Variants in SMYD3 observed in about 807,000 individuals in gnomAD.
SMYD3 encodes the protein histone-lysine N-methyltransferase SMYD3.
Under a neutral mutation model 57.7 loss-of-function variants are expected in SMYD3, and 36 were observed. The ratio of observed to expected loss-of-function variants is 0.62; its 90% confidence interval spans 0.48 to 0.82. SMYD3 has a LOEUF of 0.82. SMYD3 is among the 40% of genes least tolerant of loss of function. The pLI, the probability that SMYD3 is intolerant of heterozygous loss-of-function variation, is 0.00. For synonymous variants in SMYD3, 211 were observed against 195.0 expected, an observed-to-expected ratio of 1.08 and a Z score of -0.68; for missense variants, 515 against 538.8, an observed-to-expected ratio of 0.96 and a Z score of 0.44.
chr1:246,016,941 A>AT lies in SMYD3; in HGVS notation c.532-87005dup, dbSNP rs146974641. Among the ~76,000 whole-genome samples, 262 of 149,992 alleles carry AT rather than the reference A, an allele frequency of 1.7e-3. 7 individuals carry two copies. The South Asian group carries it at 0.026, about 15-fold the overall frequency. ...AAGGGGCTTCCAATCTTTTTCTATG[A>AT]TTTTTTTTTTGTACCTAGTTAAAAA... is the stretch of plus-strand genomic sequence containing the variant. On this transcript the variant is annotated intron_variant, in intron 5 of 11. Transcript: ENST00000490107.
At chr1:246,506,978 G>GCCCCCCCCCCCCCCCCCCCCCCCCCCCCC in intron 1 of SMYD3, 76 bp downstream of exon 1, 18 of 1,174,496 alleles carry the variant, frequency 1.5e-5, no homozygotes, top group East Asian at 7.0e-5. Flanking sequence ...CGCGGCTGCC[G>GCCCCCCCCCCCCCCCCCCCCCCCCCCCCC]GCCGCCCGAC....
intron 3 of SMYD3, among the ~76,000 whole-genome samples, chr1:246,332,909 T>A (rs564822296): frequency 6.6e-6 from 1 of 152,230 alleles, no homozygotes; most frequent in Non-Finnish European, 1.5e-5. Context: ...ACTAAAATAA[T>A]TGAATTTGGC....
intron 5 of SMYD3, among the ~76,000 whole-genome samples, chr1:245,944,744 T>C (rs917185718): frequency 1.3e-5 from 2 of 152,124 alleles, no homozygotes; most frequent in East Asian, 3.8e-4. Context: ...AAAACTACAC[T>C]ACAAGGCTAC....
chr1:245,813,255 C>T (rs915597274), intron 10 of SMYD3, among the ~76,000 whole-genome samples: 2 of 152,024 alleles, frequency 1.3e-5, no homozygotes, highest in African/African-American at 4.8e-5. Context: ...CTTTGGGATC[C>T]ACCTGCCTGG....
intron 10 of SMYD3, among the ~76,000 whole-genome samples, chr1:245,815,928 T>G (rs2048779483): frequency 6.6e-6 from 1 of 152,128 alleles, no homozygotes; most frequent in African/African-American, 2.4e-5. Flanking sequence ...TCATCAAAGC[T>G]CCACTCCAAG....
At chr1:246,506,978 G>GCCCCCCCCCCCCCCCCCCCCC in intron 1 of SMYD3, 76 bp downstream of exon 1, 10 of 1,174,502 alleles carry the variant, frequency 8.5e-6, no homozygotes, top group East Asian at 3.5e-5. Context: ...CGCGGCTGCC[G>GCCCCCCCCCCCCCCCCCCCCC]GCCGCCCGAC....
chr1:246,005,490 CCT>C (rs1056462132), intron 5 of SMYD3, among the ~76,000 whole-genome samples: 1 of 152,164 alleles, frequency 6.6e-6, no homozygotes, highest in Admixed American at 6.5e-5. Context: ...CGGATAGTCA[CCT>C]GTCTCTATAA....
chr1:245,841,928 T>C (rs765376976), intron 10 of SMYD3, among the ~76,000 whole-genome samples: 7 of 152,238 alleles, frequency 4.6e-5, no homozygotes, highest in Non-Finnish European at 8.8e-5. Flanking sequence ...AGCTGCCCTA[T>C]GCACCTATAT....
intron 5 of SMYD3, among the ~76,000 whole-genome samples, chr1:246,273,065 T>C (rs999760397): frequency 2.7e-5 from 4 of 145,508 alleles, no homozygotes; most frequent in African/African-American, 2.8e-5. Context: ...TTTGTTGTCA[T>C]ACAACTCTTC....
chr1:246,383,742 A>C (rs900493383), intron 1 of SMYD3, among the ~76,000 whole-genome samples: 4 of 152,198 alleles, frequency 2.6e-5, no homozygotes, highest in Non-Finnish European at 5.9e-5. Context: ...TGGGTTGATC[A>C]CTTGAGGTCA....
intron 5 of SMYD3, among the ~76,000 whole-genome samples, chr1:246,106,696 G>A (rs962678831): frequency 6.6e-6 from 1 of 152,148 alleles, no homozygotes; most frequent in Non-Finnish European, 1.5e-5. Context: ...AACTGCCACA[G>A]CTTCCAACTG....
At chr1:246,289,526 T>C (rs2064643509) in intron 5 of SMYD3, among the ~76,000 whole-genome samples, 1 of 152,202 alleles carries the variant, frequency 6.6e-6, no homozygotes, top group Non-Finnish European at 1.5e-5. Flanking sequence ...TGGCATTTCG[T>C]TTTGTATTTC....
intron 5 of SMYD3, among the ~76,000 whole-genome samples, chr1:246,004,995 A>C (rs2059144401): frequency 6.6e-6 from 1 of 152,088 alleles, no homozygotes; most frequent in South Asian, 2.1e-4. Flanking sequence ...ACAGGCGTGC[A>C]CCACCATGCC....
chr1:245,750,236 A>T (rs1486829923), intron 11 of SMYD3, among the ~76,000 whole-genome samples: 1 of 152,202 alleles, frequency 6.6e-6, no homozygotes, highest in African/African-American at 2.4e-5. Flanking sequence ...CTTCAATAAT[A>T]GAGTATAATA....
intron 5 of SMYD3, among the ~76,000 whole-genome samples, chr1:246,087,070 T>C (rs944096062): frequency 6.6e-6 from 1 of 152,232 alleles, no homozygotes; most frequent in African/African-American, 2.4e-5. Flanking sequence ...TTCATTTTTA[T>C]GGCTGCATAG....
At position 245,764,732 on chromosome 1, in the gene SMYD3, G is replaced by A. The variant is rs184546904; in HGVS notation, c.1077-583C>T. Among the ~76,000 whole-genome samples the A allele has an allele frequency of 2.6e-5, 4 of 152,050 alleles. No homozygotes were observed. In the East Asian group the frequency reaches 7.7e-4, roughly 29 times the overall value. ...ACTGGATTATAGTGCTTTTTATTCA[G>A]GCACCCCATCTGCGTTCTCCATGAT... On this transcript the variant is annotated intron_variant, in intron 10 of 11. Coordinates refer to ENST00000490107, the MANE Select transcript of SMYD3 (RefSeq NM_001167740.2).
chr1:245,849,117 T>C (rs1039944612), intron 10 of SMYD3, among the ~76,000 whole-genome samples: 6 of 152,080 alleles, frequency 3.9e-5, no homozygotes, highest in African/African-American at 1.4e-4. Context: ...TCCCTCCAGG[T>C]TGGACAAAAA....
intron 5 of SMYD3, among the ~76,000 whole-genome samples, chr1:246,042,548 G>C (rs925600098): frequency 6.6e-6 from 1 of 152,084 alleles, no homozygotes; most frequent in African/African-American, 2.4e-5. Context: ...TAAGGACTTC[G>C]CATTATTAGT....
intron 5 of SMYD3, among the ~76,000 whole-genome samples, chr1:246,279,371 A>C (rs1315573293): frequency 6.6e-6 from 1 of 152,040 alleles, no homozygotes. Context: ...AAACACAAAA[A>C]TTAGCTGGGC....
Sources: allele counts gnomAD v4.1 joint callset (sites outside exome capture counted in the v4.1 genomes callset), GRCh38; gene constraint gnomAD v4.1.1; transcripts MANE v1.5; gene names NCBI Gene and HGNC (gene_info 2026-07-23, HGNC 2026-07-21).